The following SH3BP5 variants were observed in gnomAD, a reference collection of about 807,000 sequenced individuals.
The protein encoded by SH3BP5 is SH3 domain-binding protein 5.
In SH3BP5, 22 loss-of-function variants were observed where a neutral mutation model predicts 43.3. The ratio of observed to expected loss-of-function variants is 0.51; its 90% CI spans 0.36 to 0.73. The LOEUF is 0.73. SH3BP5 is among the 30% of genes least tolerant of loss of function. The pLI is 0.00. For synonymous variants in SH3BP5, 255 were observed against 225.8 expected (o/e 1.13, Z -1.16); for missense variants, 529 against 586.9 (o/e 0.90, Z 1.02).
rs58800597 is a variant in SH3BP5, at chr3:15,322,838, A to AAAAAACAAAAAC, written c.201+7654_201+7665dup. Among the ~76,000 whole-genome samples, 322 of 151,912 alleles carry AAAAAACAAAAAC rather than the reference A, an allele frequency of 2.1e-3. 6 individuals are homozygous for AAAAAACAAAAAC. The highest frequency in any genetic ancestry group is 0.014 in the Middle Eastern group (4 of 294). ...CAACAGAGACCAACACTGTCTCAGGAAAAAACAAAAACAAAGCGGGAGGCC... is the reference window on the plus strand; with the variant it reads ...CAACAGAGACCAACACTGTCTCAGGAAAAAACAAAAACAAAAACAAAAACAAAGCGGGAGGCC... On this transcript the variant is annotated intron_variant, in intron 2 of 8. Coordinates refer to ENST00000383791, the MANE Select transcript of SH3BP5 (RefSeq NM_004844.5).
At chr3:15,275,222 G>C (rs776727773) in intron 3 of SH3BP5, among the ~76,000 whole-genome samples, 39 of 152,324 alleles carry the variant, frequency 2.6e-4, no homozygotes, top group Middle Eastern at 3.4e-3. Flanking sequence ...CAGCAGGCCA[G>C]GCCAAGACAG....
intron 3 of SH3BP5, among the ~76,000 whole-genome samples, chr3:15,271,024 A>C (rs898099690): frequency 2.7e-4 from 41 of 151,828 alleles, no homozygotes; most frequent in African/African-American, 8.9e-4. Context: ...ATATCTCAAT[A>C]ATTTTTATTA....
intron 2 of SH3BP5, among the ~76,000 whole-genome samples, chr3:15,315,087 C>T (rs1440665780): frequency 6.6e-6 from 1 of 152,168 alleles, no homozygotes; most frequent in African/African-American, 2.4e-5. Flanking sequence ...GTTCCTGATT[C>T]TAATCCTGTG....
At chr3:15,330,709 T>G in intron 1 of SH3BP5, 143 bp from the exon 2 acceptor site, 1 of 1,402,366 alleles carries the variant, frequency 7.1e-7, no homozygotes. Flanking sequence ...CGGCAAACAG[T>G]TGAGGCTTGA....
intron 2 of SH3BP5, among the ~76,000 whole-genome samples, chr3:15,323,258 C>T (rs1036212131): frequency 1.3e-5 from 2 of 152,192 alleles, no homozygotes; most frequent in African/African-American, 2.4e-5. Context: ...AAGTCCATCC[C>T]GCTGTAATCC....
At chr3:15,335,522 C>G (rs147695466), upstream of SH3BP5, among the ~76,000 whole-genome samples, 283 of 151,904 alleles carry the variant, frequency 1.9e-3, no homozygotes, top group African/African-American at 6.4e-3. Flanking sequence ...GCAGTGACCC[C>G]GATCATGCCA....
chr3:15,309,915 C>CG (rs1412631991), intron 2 of SH3BP5, among the ~76,000 whole-genome samples: 2 of 148,514 alleles, frequency 1.3e-5, no homozygotes. Flanking sequence ...CACCCCCCCC[C>CG]CATAAGAAAA....
chr3:15,263,146 A>T (rs1696510712), intron 4 of SH3BP5, among the ~76,000 whole-genome samples: 1 of 152,170 alleles, frequency 6.6e-6, no homozygotes, highest in Non-Finnish European at 1.5e-5. Context: ...AAAATGGAAA[A>T]ACAAAAACCA....
intron 2 of SH3BP5, among the ~76,000 whole-genome samples, chr3:15,321,575 G>C (rs964733414): frequency 1.7e-4 from 26 of 149,018 alleles, no homozygotes; most frequent in Non-Finnish European, 3.4e-4. Flanking sequence ...AATTATAACA[G>C]ATGGTCATTG....
At chr3:15,325,400 C>T (rs546416261) in intron 2 of SH3BP5, among the ~76,000 whole-genome samples, 2 of 152,224 alleles carry the variant, frequency 1.3e-5, no homozygotes, top group Non-Finnish European at 2.9e-5. Context: ...TCAGCTAAGC[C>T]AGGCTTAGCC....
chr3:15,273,260 T>C (rs1467768459), intron 3 of SH3BP5: 3 of 985,296 alleles, frequency 3.0e-6, no homozygotes, highest in Admixed American at 1.2e-4. Context: ...TTCTCTCTGC[T>C]TCAGTTATGA....
chr3:15,259,914 A>G lies in SH3BP5; in HGVS notation c.627-111T>C, dbSNP rs930939866. 1.2e-5 allele frequency: 11 copies of G among 942,694 alleles called. No individual in the cohort carries two copies. The South Asian group carries it at 1.3e-4, about 11-fold the overall frequency. 58.4% of individuals were successfully genotyped at this position (942,694 alleles called of 1,614,324 possible). A position where few individuals can be genotyped will look rare whatever the true frequency, so the allele number is the denominator to read the frequency against. ...TACCACTGGCCAGGTCGTCCTTCCAATATTTAGTAAACTCTTAACAAGGCC... is the reference window on the plus strand; with the variant it reads ...TACCACTGGCCAGGTCGTCCTTCCAGTATTTAGTAAACTCTTAACAAGGCC... On this transcript the variant is annotated intron_variant, in intron 5 of 8. Coordinates refer to ENST00000383791, the MANE Select transcript of SH3BP5 (RefSeq NM_004844.5).
chr3:15,308,582 G>T (rs918950972), intron 2 of SH3BP5, among the ~76,000 whole-genome samples: 1 of 152,160 alleles, frequency 6.6e-6, no homozygotes, highest in Admixed American at 6.5e-5. Flanking sequence ...CAGCACGGAC[G>T]GACGGGCTGG....
intron 7 of SH3BP5, 24 bp downstream of exon 7, chr3:15,258,807 T>A: frequency 6.3e-7 from 1 of 1,583,142 alleles, no homozygotes; most frequent in Non-Finnish European, 8.7e-7. Context: ...TCTCCCCACA[T>A]ACCCAGTGGA....
At chr3:15,290,131 G>A (rs1697370242) in intron 3 of SH3BP5, among the ~76,000 whole-genome samples, 1 of 152,120 alleles carries the variant, frequency 6.6e-6, no homozygotes, top group African/African-American at 2.4e-5. Context: ...GCCGGGCACG[G>A]TGGCTCACAC....
intron 1 of SH3BP5, among the ~76,000 whole-genome samples, chr3:15,338,418 C>T (rs1698727114): frequency 6.6e-6 from 1 of 152,236 alleles, no homozygotes; most frequent in Non-Finnish European, 1.5e-5. Flanking sequence ...GCTGTCTGGA[C>T]TAAGAATGAA....
chr3:15,332,685 C>T, upstream of SH3BP5: 1 of 1,130,202 alleles, frequency 8.8e-7, no homozygotes, highest in Non-Finnish European at 1.1e-6. Flanking sequence ...CCAGTCCCAG[C>T]TATCCAGGTC....
intron 6 of SH3BP5, 84 bp downstream of exon 6, chr3:15,259,677 C>T: frequency 8.1e-7 from 1 of 1,227,238 alleles, no homozygotes; most frequent in Non-Finnish European, 1.2e-6. Flanking sequence ...GCAAGTGGCC[C>T]ATGTGATACT....
At chr3:15,324,589 C>T (rs184848792) in intron 2 of SH3BP5, among the ~76,000 whole-genome samples, 1 of 36,924 alleles carries the variant, frequency 2.7e-5, no homozygotes, top group East Asian at 7.5e-4. Context: ...CTCCTCCCTC[C>T]CCCGGTCTAT....
Sources: gnomAD v4.1 joint callset for allele counts (sites outside exome capture counted in the v4.1 genomes callset) on GRCh38, gnomAD v4.1.1 for gene constraint, MANE v1.5 for transcripts, NCBI Gene and HGNC (gene_info 2026-07-23, HGNC 2026-07-21) for gene names.